Variants in SLC25A48 observed in about 807,000 individuals in gnomAD.
SLC25A48 encodes solute carrier family 25 member 48, also known as CTC-321K16.1.
In SLC25A48, 29 loss-of-function variants were observed where a neutral mutation model predicts 32.2. The observed-to-expected ratio is 0.90, with a 90% CI of 0.67 to 1.23. The LOEUF is 1.23. Ranked by LOEUF, SLC25A48 falls within the 50% of genes most tolerant of loss-of-function variation. The probability of loss-of-function intolerance (pLI) is 0.00; values close to 1 mark genes in which losing one functional copy is unlikely to be tolerated. For synonymous variants in SLC25A48, 164 were observed against 172.3 expected (o/e 0.95, Z 0.38); for missense variants, 399 against 422.7 (o/e 0.94, Z 0.49).
chr5:135,735,418 C>A (rs1344891632), intron 3 of SLC25A48, among the ~76,000 whole-genome samples: 2 of 152,126 alleles, frequency 1.3e-5, no homozygotes, highest in African/African-American at 4.8e-5. Flanking sequence ...AAAGCCTGGG[C>A]CTTCAAGGTC....
At chr5:135,852,431 G>T in intron 3 of SLC25A48, 132 bp from the exon 4 acceptor site, 2 of 1,137,948 alleles carry the variant, frequency 1.8e-6, no homozygotes, top group Non-Finnish European at 1.2e-6. Context: ...ACCTCCTGTC[G>T]CATCAGCACC....
In SLC25A48 at chr5:135,888,269, A is replaced by T. The variant is rs1464441052; in HGVS notation, c.*245A>T. On this transcript the variant is annotated 3_prime_UTR_variant, in exon 8 of 8. Coordinates refer to ENST00000681962, the MANE Select transcript of SLC25A48 (RefSeq NM_001349336.2). The stretch of plus-strand genomic sequence containing the variant: ...CCACTCTGCTAGGCTGGCATCAAAG[A>T]GCTTTCCAAGAAATGTTTGGTCCAG... 1 of 519,644 alleles carries T rather than the reference A, an allele frequency of 1.9e-6. No homozygotes were observed. The highest frequency in any genetic ancestry group is 3.4e-6 in the Non-Finnish European group (1 of 294,098). The allele number at this position is 519,644 out of a possible 1,614,324, so 32.2% of individuals were successfully genotyped here. A position where few individuals can be genotyped will look rare whatever the true frequency, so the allele number is the denominator to read the frequency against.
rs1751877006 is a variant in SLC25A48 at position 135,604,233 on chromosome 5, T to C, written c.-849+24636T>C. 2.0e-5 allele frequency among the ~76,000 whole-genome samples: 3 copies of C among 152,286 alleles called. No individual in the cohort carries two copies. The South Asian group carries it at 6.2e-4, about 32-fold the overall frequency. On this transcript the variant is annotated intron_variant, in intron 1 of 10. Transcript: ENST00000646290. The stretch of plus-strand genomic sequence containing the variant: ...TTGTGGATGAGGCACAGGTAGATAA[T>C]TAACTGCATGAACAAGTAAATGAAA...
intron 3 of SLC25A48, among the ~76,000 whole-genome samples, chr5:135,805,838 C>T (rs1303458860): frequency 6.6e-6 from 1 of 151,400 alleles, no homozygotes; most frequent in African/African-American, 2.4e-5. Context: ...GGAGATATTA[C>T]TCCTAATATC....
At chr5:135,796,417 A>G (rs1403525097) in intron 3 of SLC25A48, among the ~76,000 whole-genome samples, 10 of 151,412 alleles carry the variant, frequency 6.6e-5, no homozygotes, top group Non-Finnish European at 1.0e-4. Flanking sequence ...CCCCTGTGAT[A>G]TGGTTCACAA....
intron 3 of SLC25A48, among the ~76,000 whole-genome samples, chr5:135,802,480 A>G (rs1316025705): frequency 1.3e-5 from 2 of 151,328 alleles, no homozygotes; most frequent in African/African-American, 4.8e-5. Context: ...TGTACACCAT[A>G]TATGTACACT....
chr5:135,749,923 ACT>A (rs141915843), intron 3 of SLC25A48, among the ~76,000 whole-genome samples: 1,631 of 151,504 alleles, frequency 0.011, 26 homozygotes, highest in African/African-American at 0.038. Context: ...GCTCCCCAAG[ACT>A]CTGTTCTTGG....
chr5:135,680,027 C>T (rs1179085135), intron 3 of SLC25A48, among the ~76,000 whole-genome samples: 3 of 152,046 alleles, frequency 2.0e-5, no homozygotes, highest in African/African-American at 7.2e-5. Context: ...CCCTTTTTTG[C>T]ACTGGGTTGC....
At chr5:135,791,291 T>C (rs969572582) in intron 3 of SLC25A48, among the ~76,000 whole-genome samples, 7 of 151,896 alleles carry the variant, frequency 4.6e-5, no homozygotes, top group Non-Finnish European at 1.0e-4. Flanking sequence ...ATTCATAATA[T>C]CTTAGGTGAA....
At chr5:135,738,952 C>T (rs2126998450) in intron 3 of SLC25A48, among the ~76,000 whole-genome samples, 1 of 152,280 alleles carries the variant, frequency 6.6e-6, no homozygotes, top group East Asian at 1.9e-4. Flanking sequence ...CATGGTGGCA[C>T]ACGCCTGTAA....
chr5:135,695,737 G>A (rs917640911), intron 3 of SLC25A48, among the ~76,000 whole-genome samples: 3 of 152,154 alleles, frequency 2.0e-5, no homozygotes, highest in African/African-American at 7.2e-5. Flanking sequence ...GAGGCTCCTG[G>A]GAGTCTCCCC....
intron 1 of SLC25A48, among the ~76,000 whole-genome samples, chr5:135,838,965 G>A (rs562366057): frequency 6.6e-6 from 1 of 152,312 alleles, no homozygotes; most frequent in East Asian, 1.9e-4. Context: ...TGAGAAGAGA[G>A]CCACCATCCT....
At chr5:135,752,882 T>C (rs1254855431) in intron 3 of SLC25A48, among the ~76,000 whole-genome samples, 1 of 151,952 alleles carries the variant, frequency 6.6e-6, no homozygotes. Context: ...TTATGAGTAA[T>C]CTTCTATGAT....
intron 1 of SLC25A48, among the ~76,000 whole-genome samples, chr5:135,585,210 C>T (rs1751335947): frequency 6.6e-6 from 1 of 152,206 alleles, no homozygotes; most frequent in African/African-American, 2.4e-5. Context: ...CACTTGTCCT[C>T]ATTCTGCTCT....
chr5:135,588,599 T>C (rs1751430255), intron 1 of SLC25A48, among the ~76,000 whole-genome samples: 1 of 152,196 alleles, frequency 6.6e-6, no homozygotes, highest in Non-Finnish European at 1.5e-5. Flanking sequence ...GGCAGTCCCA[T>C]CCAGGTTGGG....
intron 3 of SLC25A48, among the ~76,000 whole-genome samples, chr5:135,648,339 G>A (rs1181521866): frequency 6.6e-6 from 1 of 152,216 alleles, no homozygotes; most frequent in African/African-American, 2.4e-5. Context: ...CAGCCAGCCT[G>A]CCTGACGATG....
In SLC25A48 at chr5:135,750,015, T is replaced by A. The variant is rs191989759; in HGVS notation, c.-520-62508T>A. ...ACACCATCCATCGTCTGTCTCTAGCTCCAGCACCTCTTTCTCTGTAAGTTC... is the reference window on the plus strand; with the variant it reads ...ACACCATCCATCGTCTGTCTCTAGCACCAGCACCTCTTTCTCTGTAAGTTC... On this transcript the variant is annotated intron_variant, in intron 3 of 10. Coordinates refer to the SLC25A48 transcript ENST00000646290. Among the ~76,000 whole-genome samples, 4 of 152,282 alleles carry A rather than the reference T, an allele frequency of 2.6e-5. No individual in the cohort carries two copies. The East Asian group carries it at 7.7e-4, about 29-fold the overall frequency.
intron 2 of SLC25A48, 130 bp downstream of exon 2, chr5:135,842,589 AG>A: frequency 1.1e-6 from 1 of 937,340 alleles, no homozygotes; most frequent in Non-Finnish European, 1.7e-6. Flanking sequence ...TTGCCAGTCC[AG>A]GGGGTGTTGG....
At chr5:135,626,362 T>C (rs777253048) in intron 1 of SLC25A48, among the ~76,000 whole-genome samples, 3 of 152,250 alleles carry the variant, frequency 2.0e-5, no homozygotes, top group African/African-American at 7.2e-5. Flanking sequence ...TCTGCTTAAA[T>C]GTCAGAGTCA....
Sources: gnomAD v4.1 joint callset for allele counts (sites outside exome capture counted in the v4.1 genomes callset) on GRCh38, gnomAD v4.1.1 for gene constraint, MANE v1.5 for transcripts, NCBI Gene and HGNC (gene_info 2026-07-23, HGNC 2026-07-21) for gene names.